The following DNAJC15 variants were observed in gnomAD, a reference collection of about 807,000 sequenced individuals.
DNAJC15 encodes the protein DnaJ heat shock protein family (Hsp40) member C15, also known as dnaJ homolog subfamily C member 15.
A neutral mutation model predicts 22.4 loss-of-function variants in DNAJC15; 27 were observed. The ratio of observed to expected loss-of-function variants is 1.20; its 90% confidence interval spans 0.89 to 1.66. The LOEUF is 1.66. Ranked by LOEUF, DNAJC15 falls within the 40% of genes most tolerant of loss-of-function variation. DNAJC15 has a pLI of 0.00. For missense variants in DNAJC15, 208 were observed against 187.1 expected (o/e 1.11, Z -0.65); for synonymous variants, 79 against 63.2 (o/e 1.25, Z -1.19).
intron 3 of DNAJC15, among the ~76,000 whole-genome samples, chr13:43,073,844 C>T (rs1266715913): frequency 6.6e-6 from 1 of 151,312 alleles, no homozygotes; most frequent in Admixed American, 6.6e-5. Flanking sequence ...TGAACAAGTG[C>T]CCTTTTGCTT....
chr13:43,064,718 T>A lies in DNAJC15; in HGVS notation c.109-968T>A, dbSNP rs74505046. 7.9e-3 allele frequency among the ~76,000 whole-genome samples: 1,198 copies of A among 152,308 alleles called. 14 individuals are homozygous for A. The highest frequency in any genetic ancestry group is 0.028 in the African/African-American group (1,144 of 41,566). ...CAGCTCTGTGATCATCTGGAACCAA[T>A]GTCTTTTCATCTCATTGTTCTTCCT... is the stretch of plus-strand genomic sequence containing the variant. On this transcript the variant is annotated intron_variant, in intron 1 of 5. Transcript: ENST00000379221.
intron 1 of DNAJC15, among the ~76,000 whole-genome samples, chr13:43,058,031 T>C (rs2040540135): frequency 6.6e-6 from 1 of 152,076 alleles, no homozygotes; most frequent in Non-Finnish European, 1.5e-5. Context: ...GGACTCTTTG[T>C]AGTTTTGTTT....
intron 4 of DNAJC15, among the ~76,000 whole-genome samples, chr13:43,079,446 C>T (rs567543209): frequency 7.0e-4 from 107 of 151,998 alleles, no homozygotes; most frequent in African/African-American, 2.5e-3. Flanking sequence ...TTCTTATGAC[C>T]TAGCAGAAAA....
intron 5 of DNAJC15, among the ~76,000 whole-genome samples, chr13:43,096,024 A>C (rs1477985151): frequency 1.3e-5 from 2 of 151,126 alleles, no homozygotes; most frequent in African/African-American, 4.9e-5. Flanking sequence ...TTTGCTTTTT[A>C]CTTTTTTTTT....
chr13:43,040,843 C>T (rs1379982456), intron 1 of DNAJC15, among the ~76,000 whole-genome samples: 1 of 152,116 alleles, frequency 6.6e-6, no homozygotes, highest in Non-Finnish European at 1.5e-5. Flanking sequence ...GAATTAAGTG[C>T]TGTGCTTTAG....
rs2040825322 is a variant in DNAJC15 at position 43,111,654 on chromosome 13, A to G, written c.*4406A>G. On this transcript the variant is annotated 3_prime_UTR_variant, in exon 6 of 6. Coordinates refer to ENST00000379221, the MANE Select transcript of DNAJC15 (RefSeq NM_013238.3). The stretch of plus-strand genomic sequence containing the variant: ...AAGATGAGCTACGGAGACTGCAGTG[A>G]AAAGTTAAATATCCAAGTACACCAG... 1 of 152,184 alleles carries G rather than the reference A, an allele frequency of 6.6e-6. No individual in the cohort carries two copies. Among genetic ancestry groups the G allele is most frequent in the Non-Finnish European group, 1.5e-5 (1 of 68,048 alleles). The allele number at this position is 152,184 out of a possible 1,614,324, so 9.4% of individuals were successfully genotyped here.
At chr13:43,100,663 T>G (rs768062486) in intron 5 of DNAJC15, among the ~76,000 whole-genome samples, 1 of 152,232 alleles carries the variant, frequency 6.6e-6, no homozygotes, top group African/African-American at 2.4e-5. Context: ...TTTCAACTTA[T>G]TAAGGTTTGT....
chr13:43,048,181 T>G (rs2040486028), intron 1 of DNAJC15, among the ~76,000 whole-genome samples: 1 of 152,192 alleles, frequency 6.6e-6, no homozygotes, highest in South Asian at 2.1e-4. Flanking sequence ...TCTAAAGTAA[T>G]GAATTTTAAA....
chr13:43,030,912 G>A (rs2040401614), intron 1 of DNAJC15, among the ~76,000 whole-genome samples: 1 of 152,228 alleles, frequency 6.6e-6, no homozygotes, highest in African/African-American at 2.4e-5. Context: ...TGATTTCGTA[G>A]GAATGAGCCA....
intron 1 of DNAJC15, among the ~76,000 whole-genome samples, chr13:43,060,879 C>CT (rs2040555481): frequency 6.6e-6 from 1 of 152,188 alleles, no homozygotes; most frequent in African/African-American, 2.4e-5. Context: ...GGAAAGGCCT[C>CT]TACCCACCCA....
chr13:43,089,276 C>G (rs2040703466), intron 5 of DNAJC15, among the ~76,000 whole-genome samples: 1 of 152,196 alleles, frequency 6.6e-6, no homozygotes, highest in Admixed American at 6.5e-5. Flanking sequence ...AGGCATTGTG[C>G]TAAATCTTAA....
intron 1 of DNAJC15, among the ~76,000 whole-genome samples, chr13:43,039,214 C>T (rs774688487): frequency 6.6e-6 from 1 of 152,164 alleles, no homozygotes; most frequent in African/African-American, 2.4e-5. Context: ...CCCTCAGTGT[C>T]TTCCTCATAA....
rs1198497044 is a variant in DNAJC15, at chr13:43,101,857, CA to C, written c.383-5320del. ...GGTTGATGGGCATTTAAGCTGGTTC[CA>C]TATTTTTACAATTGTGAATTGTGCT... On this transcript the variant is annotated intron_variant, in intron 5 of 5. Coordinates refer to ENST00000379221, the MANE Select transcript of DNAJC15 (RefSeq NM_013238.3). 2.6e-5 allele frequency among the ~76,000 whole-genome samples: 4 copies of C among 152,130 alleles called. No individual in the cohort carries two copies. The East Asian group carries it at 7.7e-4, about 29-fold the overall frequency.
rs2040824816 is a variant in DNAJC15 at position 43,111,564 on chromosome 13, GAGA to G, written c.*4320_*4322del. On this transcript the variant is annotated 3_prime_UTR_variant, in exon 6 of 6. Transcript: ENST00000379221. ...TAATATGGTTTAATACCATTTGTGG[GAGA>G]AGATGAATCAGCCAGGCTCTTTACG... 6.6e-6 allele frequency: 1 copy of G among 152,200 alleles called. No individual in the cohort carries two copies. Among genetic ancestry groups the G allele is most frequent in the Non-Finnish European group, 1.5e-5 (1 of 68,036 alleles). The allele number at this position is 152,200 out of a possible 1,614,324, so 9.4% of individuals were successfully genotyped here.
chr13:43,067,083 T>C (rs907213068), intron 2 of DNAJC15, among the ~76,000 whole-genome samples: 5 of 152,236 alleles, frequency 3.3e-5, no homozygotes, highest in Non-Finnish European at 5.9e-5. Flanking sequence ...TGTTTGTAAG[T>C]TCTATCGGTT....
At chr13:43,043,122 T>C (rs1307907689) in intron 1 of DNAJC15, among the ~76,000 whole-genome samples, 2 of 152,194 alleles carry the variant, frequency 1.3e-5, no homozygotes, top group African/African-American at 4.8e-5. Context: ...TTTGTTTATT[T>C]TTATTTTTTT....
intron 3 of DNAJC15, among the ~76,000 whole-genome samples, chr13:43,075,836 G>GT: frequency 6.6e-6 from 1 of 152,178 alleles, no homozygotes; most frequent in East Asian, 1.9e-4. Context: ...CTAAGTTTTT[G>GT]TATCTTTAGT....
chr13:43,083,048 A>G (rs2040670497), intron 4 of DNAJC15, among the ~76,000 whole-genome samples: 1 of 152,146 alleles, frequency 6.6e-6, no homozygotes, highest in Non-Finnish European at 1.5e-5. Flanking sequence ...AATCCTTTAT[A>G]ATATTAGTAT....
chr13:43,043,452 ACT>A (rs1229393159), intron 1 of DNAJC15, among the ~76,000 whole-genome samples: 1 of 152,222 alleles, frequency 6.6e-6, no homozygotes, highest in Non-Finnish European at 1.5e-5. Context: ...CATGACTCAC[ACT>A]GTTATTTTGA....
Sources: gnomAD v4.1 joint callset for allele counts (sites outside exome capture counted in the v4.1 genomes callset) on GRCh38, gnomAD v4.1.1 for gene constraint, MANE v1.5 for transcripts, NCBI Gene and HGNC (gene_info 2026-07-23, HGNC 2026-07-21) for gene names.